Variants in EFCAB13 observed in about 807,000 individuals in gnomAD.
EFCAB13 encodes the protein EF-hand calcium-binding domain-containing protein 13.
EFCAB13 carries 91 observed loss-of-function variants against 110.2 expected under a neutral mutation model. The observed-to-expected ratio is 0.83, with a 90% CI of 0.70 to 0.98. EFCAB13 has a LOEUF of 0.98. EFCAB13 is among the 50% of genes least tolerant of loss of function. The pLI is 0.00. For synonymous variants in EFCAB13, 323 were observed against 369.9 expected, an observed-to-expected ratio of 0.87 and a Z score of 1.45; for missense variants, 968 against 1,119.4, an observed-to-expected ratio of 0.86 and a Z score of 1.93.
chr17:47,366,724 G>A (rs181309325), intron 10 of EFCAB13, among the ~76,000 whole-genome samples: 3 of 152,276 alleles, frequency 2.0e-5, no homozygotes, highest in East Asian at 1.9e-4. Context: ...ATTCTCGAAC[G>A]CGTCTTTGGC....
Position 47,404,032 on chromosome 17 carries a change from T to C in EFCAB13, c.2161+11T>C. 6.3e-7 allele frequency: 1 copy of C among 1,577,556 alleles called. No homozygotes were observed. Among genetic ancestry groups the C allele is most frequent in the Non-Finnish European group, 8.6e-7 (1 of 1,165,204 alleles). On this transcript the variant is annotated intron_variant, in intron 19 of 24. Coordinates refer to ENST00000331493, the MANE Select transcript of EFCAB13 (RefSeq NM_152347.5). ...CAGATTTTGTTTCTGGTAAGCATTT[T>C]AAATATTACTCTCAGGTTTTTTTTT... is the stretch of plus-strand genomic sequence containing the variant.
intron 9 of EFCAB13, among the ~76,000 whole-genome samples, chr17:47,351,677 T>C (rs2065454014): frequency 6.6e-6 from 1 of 152,144 alleles, no homozygotes; most frequent in South Asian, 2.1e-4. Context: ...TGGTACATTC[T>C]GGATATCAGT....
intron 9 of EFCAB13, among the ~76,000 whole-genome samples, chr17:47,351,903 T>C: frequency 6.8e-6 from 1 of 147,952 alleles, no homozygotes; most frequent in South Asian, 2.1e-4. Context: ...CATGTAGTTT[T>C]TTTTTTTTTT....
At chr17:47,432,222 C>T (rs886264637) in intron 24 of EFCAB13, among the ~76,000 whole-genome samples, 35 of 151,886 alleles carry the variant, frequency 2.3e-4, no homozygotes, top group African/African-American at 7.7e-4. Context: ...CACAGTGAAA[C>T]CCCGTCCCTA....
chr17:47,420,139 G>A (rs1019971894), intron 23 of EFCAB13, among the ~76,000 whole-genome samples: 12 of 152,198 alleles, frequency 7.9e-5, no homozygotes, highest in Non-Finnish European at 1.5e-4. Flanking sequence ...TGGTGGAGAC[G>A]GGGTTTCGCT....
chr17:47,372,635 G>A (rs1326227348), intron 11 of EFCAB13, among the ~76,000 whole-genome samples: 2 of 152,056 alleles, frequency 1.3e-5, no homozygotes, highest in Admixed American at 6.5e-5. Flanking sequence ...ACAAATATAG[G>A]GGATGAACTC....
chr17:47,412,368 C>G (rs1242636559), intron 21 of EFCAB13, among the ~76,000 whole-genome samples: 1 of 152,194 alleles, frequency 6.6e-6, no homozygotes, highest in Non-Finnish European at 1.5e-5. Context: ...TCCCAATTCA[C>G]ACAAAAGCAC....
Position 47,335,282 on chromosome 17 carries a change from C to T in EFCAB13, c.117C>T (p.Tyr39=), listed in dbSNP as rs772025096. The T allele has an allele frequency of 3.1e-6, 5 of 1,610,950 alleles. No homozygotes were observed. The Admixed American group carries it at 5.0e-5, about 16-fold the overall frequency. ...CAGGAACTATTAACCACAAGAAATA[C>T]ATCAAGTTTTCTAAAACAATAGAGA... ...LSSGTINHKK[Y]IKFSKTIEKE... is the part of the protein sequence containing the mutation. Residue 39 remains tyrosine (Y), a synonymous_variant, in exon 5 of 25, where the codon TAC becomes TAT. Coordinates refer to ENST00000331493, the MANE Select transcript of EFCAB13 (RefSeq NM_152347.5).
chr17:47,345,089 G>T lies in EFCAB13; in HGVS notation c.508G>T (p.Glu170Ter). Residue 170 changes from glutamate to a stop codon, truncating the protein, a stop_gained, in exon 8 of 25, where the codon GAA becomes TAA. Transcript: ENST00000331493. LOFTEE classifies it high-confidence loss of function. ...EVTHGYLHSKELSALHKACKI... is the reference protein window; with the variant it reads ...EVTHGYLHSK ...AACCCATGGATATTTACACTCAAAA[G>T]AATTAAGTGGTAATAAGAGGTTCTA... 3 of 1,596,702 alleles carry T rather than the reference G, an allele frequency of 1.9e-6. No individual in the cohort carries two copies. The highest frequency in any genetic ancestry group is 2.6e-6 in the Non-Finnish European group (3 of 1,170,900).
intron 20 of EFCAB13, among the ~76,000 whole-genome samples, chr17:47,408,957 A>G (rs1005446546): frequency 6.6e-6 from 1 of 152,198 alleles, no homozygotes; most frequent in Non-Finnish European, 1.5e-5. Context: ...AGTACTTTTT[A>G]TAGGTTATTT....
chr17:47,374,952 C>A lies in EFCAB13; in HGVS notation c.1358C>A (p.Ala453Glu), dbSNP rs183020306. ...CAGGTTTCGTCTACGGAAAAAACTG[C>A]AATTAGTACTCTGGGTAAGTAAAAA... is the stretch of plus-strand genomic sequence containing the variant. ...QKQVSSTEKT[A>E]ISTLENFCEA... is the part of the protein sequence containing the mutation. The change falls in exon 12 of 25, where the codon GCA (alanine) becomes GAA (glutamate). Residue 453 changes from alanine (A) to glutamate (E), a missense_variant. Physicochemically the swap from Ala to Glu is moderately radical, Grantham distance 107. Coordinates refer to ENST00000331493, the MANE Select transcript of EFCAB13 (RefSeq NM_152347.5). The A allele has an allele frequency of 6.4e-7, 1 of 1,574,010 alleles. No individual in the cohort carries two copies. Among genetic ancestry groups the A allele is most frequent in the Non-Finnish European group, 8.6e-7 (1 of 1,166,668 alleles).
chr17:47,348,049 T>C (rs1036192752), intron 9 of EFCAB13, 98 bp downstream of exon 9: 9 of 1,004,962 alleles, frequency 9.0e-6, no homozygotes, highest in Non-Finnish European at 1.2e-5. Context: ...CCTTAAAATA[T>C]ATTGTAAAAA....
chr17:47,393,914 C>A lies in EFCAB13; in HGVS notation c.1727-111C>A, dbSNP rs563512409. 3.1e-3 allele frequency: 1,673 copies of A among 540,168 alleles called. 3 individuals carry two copies. Among genetic ancestry groups the A allele is most frequent in the Non-Finnish European group, 3.9e-3 (1,235 of 318,434 alleles). The allele number at this position is 540,168 out of a possible 1,614,324, so 33.5% of individuals were successfully genotyped here. A position where few individuals can be genotyped will look rare whatever the true frequency, so the allele number is the denominator to read the frequency against. ...ATATATTTTTATTGGTTAGTATTAC[C>A]TGATGGATATAATTATATATTTCTG... On this transcript the variant is annotated intron_variant, in intron 15 of 24. Coordinates refer to ENST00000331493, the MANE Select transcript of EFCAB13 (RefSeq NM_152347.5).
chr17:47,419,644 TATC>T (rs763136541), intron 23 of EFCAB13, among the ~76,000 whole-genome samples: 21 of 152,266 alleles, frequency 1.4e-4, no homozygotes, highest in East Asian at 5.8e-4. Context: ...TTTACAAAAT[TATC>T]ATTGGAGGAG....
chr17:47,405,863 A>G (rs11651643), intron 20 of EFCAB13, among the ~76,000 whole-genome samples: 95,775 of 151,248 alleles, frequency 0.63, 30,731 homozygotes, highest in African/African-American at 0.71. Context: ...GTTCCCTTAT[A>G]CTCATTTAAT....
At chr17:47,377,562 G>A in intron 12 of EFCAB13, 1 of 351,836 alleles carries the variant, frequency 2.8e-6, no homozygotes. Context: ...TAGAATGTTA[G>A]GACGGTTCTG....
chr17:47,344,201 A>G lies in EFCAB13; in HGVS notation c.343A>G (p.Thr115Ala). ...PFLKLSKEKV[T>A]RKENSLCKLP... ...TCTGAAGCTGTCAAAGGAGAAGGTG[A>G]CAAGGAAAGAAAACTCTTTATGCAA... Residue 115 changes from threonine (T) to alanine (A), a missense_variant, in exon 7 of 25, where the codon ACA (threonine) becomes GCA (alanine). Transcript: ENST00000331493. 1 of 1,613,234 alleles carries G rather than the reference A, an allele frequency of 6.2e-7. No homozygotes were observed. The highest frequency in any genetic ancestry group is 8.5e-7 in the Non-Finnish European group (1 of 1,179,368).
chr17:47,334,608 C>T (rs1251431771), intron 4 of EFCAB13, among the ~76,000 whole-genome samples: 2 of 152,058 alleles, frequency 1.3e-5, no homozygotes, highest in Non-Finnish European at 2.9e-5. Flanking sequence ...AACTTTTGTA[C>T]CTTGATGCCT....
chr17:47,347,420 A>C (rs1305429726), intron 8 of EFCAB13, among the ~76,000 whole-genome samples: 1 of 152,226 alleles, frequency 6.6e-6, no homozygotes, highest in African/African-American at 2.4e-5. Context: ...GAAGAATGAA[A>C]AAATCTTGCT....
Sources: allele counts gnomAD v4.1 joint callset (sites outside exome capture counted in the v4.1 genomes callset), GRCh38; gene constraint gnomAD v4.1.1; transcripts MANE v1.5; gene names NCBI Gene and HGNC (gene_info 2026-07-23, HGNC 2026-07-21).